Variants in SETBP1 observed in about 807,000 individuals in gnomAD.
SETBP1 encodes SET binding protein 1, also known as SET-binding protein.
In SETBP1, 9 loss-of-function variants were observed where a neutral mutation model predicts 101.0. That is an observed-to-expected ratio of 0.09 (90% confidence interval 0.05 to 0.16). The LOEUF (loss-of-function observed/expected upper bound fraction) is 0.16, where lower values mean the gene tolerates loss of function less well. SETBP1 is among the 10% of genes least tolerant of loss of function. SETBP1 has a pLI of 1.00. For synonymous variants in SETBP1, 818 were observed against 788.5 expected, an observed-to-expected ratio of 1.04 and a Z score of -0.63; for missense variants, 1,858 against 2,033.8, an observed-to-expected ratio of 0.91 and a Z score of 1.66.
At chr18:45,008,852 T>C (rs888633614) in intron 4 of SETBP1, among the ~76,000 whole-genome samples, 1 of 152,202 alleles carries the variant, frequency 6.6e-6, no homozygotes, top group Non-Finnish European at 1.5e-5. Flanking sequence ...GCACTCTCTC[T>C]GCTGTCTAGG....
chr18:45,058,248 G>A (rs1245073905), intron 5 of SETBP1, among the ~76,000 whole-genome samples: 1 of 152,168 alleles, frequency 6.6e-6, no homozygotes. Context: ...GCCCAGAAAT[G>A]ACTGTCCAAT....
At chr18:45,062,950 G>A in intron 5 of SETBP1, 129 bp from the exon 6 acceptor site, 1 of 1,192,836 alleles carries the variant, frequency 8.4e-7, no homozygotes, top group African/African-American at 1.5e-5. Context: ...CTTGGGCACG[G>A]AGACATACCC....
At chr18:44,799,324 A>G (rs916205200) in intron 2 of SETBP1, among the ~76,000 whole-genome samples, 4 of 151,914 alleles carry the variant, frequency 2.6e-5, no homozygotes, top group Non-Finnish European at 4.4e-5. Flanking sequence ...CCTCCTATGC[A>G]TGCCCCACCT....
chr18:44,896,922 C>T (rs1342797686), intron 3 of SETBP1, among the ~76,000 whole-genome samples: 2 of 152,126 alleles, frequency 1.3e-5, no homozygotes, highest in Non-Finnish European at 2.9e-5. Context: ...AAGCAGCCAT[C>T]AATCCACCCA....
chr18:45,022,995 T>C (rs2073099694), intron 4 of SETBP1, among the ~76,000 whole-genome samples: 1 of 152,186 alleles, frequency 6.6e-6, no homozygotes, highest in South Asian at 2.1e-4. Flanking sequence ...ACAGAGAGAT[T>C]AAATAACTTA....
intron 1 of SETBP1, among the ~76,000 whole-genome samples, chr18:44,694,208 C>T (rs1024405968): frequency 7.9e-5 from 12 of 152,122 alleles, no homozygotes; most frequent in East Asian, 1.9e-4. Flanking sequence ...AAAGTTTGCT[C>T]GTTCTTATGG....
At position 44,950,834 on chromosome 18, in the gene SETBP1, G is replaced by A; in HGVS notation, c.1494G>A (p.Arg498=). Reference sequence around the variant, plus strand: ...TCCCAGGAGGTGTGTCTAAGCCGCGGAAGCCACCCATGGTCATGACACCTC... The same window carrying A: ...TCCCAGGAGGTGTGTCTAAGCCGCGAAAGCCACCCATGGTCATGACACCTC... ...KVIPGGVSKP[R]KPPMVMTPPT... The change falls in exon 4 of 6, where the codon CGG becomes CGA. Residue 498 remains arginine, a synonymous_variant. Coordinates refer to ENST00000649279, the MANE Select transcript of SETBP1 (RefSeq NM_015559.3). The A allele has an allele frequency of 1.2e-6, 2 of 1,614,112 alleles. No individual in the cohort carries two copies. Among genetic ancestry groups the A allele is most frequent in the South Asian group, 2.2e-5 (2 of 91,076 alleles).
rs138999713 is a variant in SETBP1 at position 44,945,012 on chromosome 18, T to C, written c.541-4869T>C. 2.3e-3 allele frequency among the ~76,000 whole-genome samples: 346 copies of C among 152,324 alleles called. 1 individual carries two copies. The highest frequency in any genetic ancestry group is 4.0e-3 in the Non-Finnish European group (270 of 68,036). ...ACACACTTTATTTTTTTATATTTTT[T>C]TTATACTTTTAAGTTCTAGGATACA... On this transcript the variant is annotated intron_variant, in intron 3 of 5. Coordinates refer to ENST00000649279, the MANE Select transcript of SETBP1 (RefSeq NM_015559.3).
chr18:44,828,033 A>T (rs2072273089), intron 2 of SETBP1, among the ~76,000 whole-genome samples: 1 of 152,232 alleles, frequency 6.6e-6, no homozygotes, highest in Admixed American at 6.5e-5. Flanking sequence ...GCTTTTCAAA[A>T]CACAAACTTG....
intron 2 of SETBP1, among the ~76,000 whole-genome samples, chr18:44,868,578 C>T (rs754330282): frequency 4.0e-5 from 6 of 151,532 alleles, no homozygotes; most frequent in Non-Finnish European, 7.4e-5. Context: ...ATCTGTAATC[C>T]CAGCTACTTG....
At chr18:45,003,684 T>C (rs1212085490) in intron 4 of SETBP1, among the ~76,000 whole-genome samples, 3 of 118,704 alleles carry the variant, frequency 2.5e-5, no homozygotes, top group Non-Finnish European at 3.6e-5. Context: ...AGTAATGTCA[T>C]GGGAAAAAAA....
chr18:44,693,735 C>T (rs2068971041), intron 1 of SETBP1, among the ~76,000 whole-genome samples: 1 of 152,180 alleles, frequency 6.6e-6, no homozygotes, highest in Non-Finnish European at 1.5e-5. Context: ...ATTTCTTCCT[C>T]ATCTGTAATT....
intron 4 of SETBP1, among the ~76,000 whole-genome samples, chr18:45,030,512 G>A (rs1434244899): frequency 8.6e-5 from 12 of 139,710 alleles, no homozygotes; most frequent in Non-Finnish European, 4.6e-5. Context: ...GTATCAGGAT[G>A]ATGCTGGCCT....
intron 3 of SETBP1, among the ~76,000 whole-genome samples, chr18:44,944,198 T>A (rs536551229): frequency 4.6e-5 from 7 of 152,264 alleles, no homozygotes; most frequent in African/African-American, 1.7e-4. Context: ...TCACTTGGAA[T>A]ACCTACACAG....
At chr18:45,047,571 G>C (rs998071854) in intron 5 of SETBP1, among the ~76,000 whole-genome samples, 5 of 152,180 alleles carry the variant, frequency 3.3e-5, no homozygotes, top group South Asian at 4.1e-4. Context: ...GTAATTAATG[G>C]AGAGTTTTTG....
At position 44,750,492 on chromosome 18, in the gene SETBP1, G is replaced by A. The variant is rs149253946; in HGVS notation, c.486+48660G>A. ...GGGTTAGGGTGTTAACATGAATTTT[G>A]GGGGAGACACAAACATCTGTCCGTA... On this transcript the variant is annotated intron_variant, in intron 2 of 5. Transcript: ENST00000649279. Among the ~76,000 whole-genome samples the A allele has an allele frequency of 9.0e-4, 137 of 152,236 alleles. 1 individual carries two copies. The highest frequency in any genetic ancestry group is 3.1e-3 in the African/African-American group (128 of 41,532).
At chr18:44,797,437 G>A (rs1403070601) in intron 2 of SETBP1, among the ~76,000 whole-genome samples, 1 of 152,010 alleles carries the variant, frequency 6.6e-6, no homozygotes, top group Non-Finnish European at 1.5e-5. Context: ...TGCATTAATC[G>A]CAGAGCAATA....
chr18:44,872,115 T>A (rs942858474), intron 3 of SETBP1: 4 of 152,234 alleles, frequency 2.6e-5, no homozygotes, highest in Non-Finnish European at 4.4e-5. Context: ...GAACCCTCAC[T>A]TCTTTTGTCT....
rs978553377 is a variant in SETBP1 at position 44,690,760 on chromosome 18, T to A, written c.-173+9739T>A. The stretch of plus-strand genomic sequence containing the variant: ...GTTAGTAAATCAGGGTTAAATAGTA[T>A]AATAAACTTAAATCAGATGAAAAAC... On this transcript the variant is annotated intron_variant, in intron 1 of 5. Transcript: ENST00000649279. 3.9e-5 allele frequency among the ~76,000 whole-genome samples: 6 copies of A among 152,312 alleles called. No individual in the cohort carries two copies. The South Asian group carries it at 8.3e-4, about 21-fold the overall frequency.
Sources: allele counts gnomAD v4.1 joint callset (sites outside exome capture counted in the v4.1 genomes callset), GRCh38; gene constraint gnomAD v4.1.1; transcripts MANE v1.5; gene names NCBI Gene and HGNC (gene_info 2026-07-23, HGNC 2026-07-21).